ISG20: variants seen among roughly 807,000 people sequenced by gnomAD.
ISG20 encodes interferon stimulated exonuclease gene 20.
ISG20 carries 8 observed loss-of-function variants against 11.1 expected under a neutral mutation model. That is an observed-to-expected ratio of 0.72 (90% CI 0.42 to 1.30). The LOEUF is 1.30. Among genes scored for constraint, ISG20 ranks in the 50% most tolerant of loss-of-function variants. ISG20 has a pLI of 0.01. For missense variants in ISG20, 243 were observed against 250.2 expected, an observed-to-expected ratio of 0.97 and a Z score of 0.19; for synonymous variants, 110 against 101.7, an observed-to-expected ratio of 1.08 and a Z score of -0.49.
Position 88,655,666 on chromosome 15 carries a change from C to A in ISG20, c.*135C>A, listed in dbSNP as rs2058365486. 6 of 598,814 alleles carry A rather than the reference C, an allele frequency of 1.0e-5. No homozygotes were observed. In the Admixed American group the frequency reaches 1.5e-4, roughly 15 times the overall value. The allele number at this position is 598,814 out of a possible 1,614,324, so 37.1% of individuals were successfully genotyped here. On this transcript the variant is annotated 3_prime_UTR_variant, in exon 4 of 4. Transcript: ENST00000306072. Reference sequence around the variant, plus strand: ...CTCTACGCCATCACTGGGTCCTCTTCTTATTCTTCTCTCCAAGCTGGGTTA... The same window carrying A: ...CTCTACGCCATCACTGGGTCCTCTTATTATTCTTCTCTCCAAGCTGGGTTA...
At chr15:88,636,055 G>C (rs892432429), upstream of ISG20, 2 of 152,274 alleles carry the variant, frequency 1.3e-5, no homozygotes. Flanking sequence ...TGTCCCTTGT[G>C]GGGAGAGGGG....
chr15:88,641,672 C>CTCCAGCTCTTG (rs2058083181), intron 2 of ISG20, among the ~76,000 whole-genome samples: 1 of 152,112 alleles, frequency 6.6e-6, no homozygotes, highest in South Asian at 2.1e-4. Context: ...TGCTCTGTCG[C>CTCCAGCTCTTG]CCAGGCTGGA....
chr15:88,643,683 C>A lies in ISG20; in HGVS notation c.228+4089C>A, dbSNP rs764979398. On this transcript the variant is annotated intron_variant, in intron 2 of 3. Transcript: ENST00000306072. This position sits in a 1 kb window ranked among gnomAD's most constrained non-coding sequence, Gnocchi z 4.4. The stretch of plus-strand genomic sequence containing the variant: ...CGTGCCACTGCCACTCCAGCCTGGG[C>A]GACAGAGCAAGACCCCATCTCAAAA... Among the ~76,000 whole-genome samples the A allele has an allele frequency of 6.6e-6, 1 of 152,244 alleles. No homozygotes were observed. The highest frequency in any genetic ancestry group is 2.1e-4 in the South Asian group (1 of 4,820).
chr15:88,638,530 G>A (rs964027546), upstream of ISG20, among the ~76,000 whole-genome samples: 1 of 152,222 alleles, frequency 6.6e-6, no homozygotes, highest in Non-Finnish European at 1.5e-5. Flanking sequence ...TGGGTTGGAA[G>A]TGGGGGCTAG....
Position 88,650,183 on chromosome 15 carries a change from A to G in ISG20, c.229-1927A>G. On this transcript the variant is annotated intron_variant, in intron 2 of 3. Coordinates refer to ENST00000306072, the MANE Select transcript of ISG20 (RefSeq NM_002201.6). This position sits in a 1 kb window ranked among gnomAD's most constrained non-coding sequence, Gnocchi z 4.0. ...GAGCTGTCCAAAGTGGGCCTGGACTAGCCACGAGCCGCCCCTTTCCCTAAT... is the reference window on the plus strand; with the variant it reads ...GAGCTGTCCAAAGTGGGCCTGGACTGGCCACGAGCCGCCCCTTTCCCTAAT... 2 of 1,465,290 alleles carry G rather than the reference A, an allele frequency of 1.4e-6. No individual in the cohort carries two copies. Among genetic ancestry groups the G allele is most frequent in the South Asian group, 2.4e-5 (2 of 82,562 alleles). 90.8% of individuals were successfully genotyped at this position (1,465,290 alleles called of 1,614,324 possible). A position where few individuals can be genotyped will look rare whatever the true frequency, so the allele number is the denominator to read the frequency against.
At chr15:88,644,256 G>A (rs2058130373) in intron 2 of ISG20, among the ~76,000 whole-genome samples, 1 of 152,038 alleles carries the variant, frequency 6.6e-6, no homozygotes, top group Non-Finnish European at 1.5e-5. Context: ...GTCAGAGGCT[G>A]GGCATGGTGG....
chr15:88,643,898 C>G lies in ISG20; in HGVS notation c.228+4304C>G, dbSNP rs550269876. Among the ~76,000 whole-genome samples, 2 of 152,230 alleles carry G rather than the reference C, an allele frequency of 1.3e-5. No individual in the cohort carries two copies. Among genetic ancestry groups the G allele is most frequent in the East Asian group, 3.9e-4 (2 of 5,176 alleles). On this transcript the variant is annotated intron_variant, in intron 2 of 3. Coordinates refer to ENST00000306072, the MANE Select transcript of ISG20 (RefSeq NM_002201.6). The surrounding 1 kb of genome is among the most constrained non-coding windows in gnomAD (Gnocchi z 4.4). Reference sequence around the variant, plus strand: ...GGTTGAGCATCCCAAATTTGAAAATCTGAAATTTGAAATGTTCCAATGAGC... The same window carrying G: ...GGTTGAGCATCCCAAATTTGAAAATGTGAAATTTGAAATGTTCCAATGAGC...
At chr15:88,644,555 C>A (rs11856565) in intron 2 of ISG20, among the ~76,000 whole-genome samples, 80,658 of 118,932 alleles carry the variant, frequency 0.68, 23,675 homozygotes, top group Non-Finnish European at 0.71. Context: ...AAAGAAAAGA[C>A]AAAAAAAAAA....
At position 88,655,476 on chromosome 15, in the gene ISG20, T is replaced by G; in HGVS notation, c.491T>G (p.Ile164Ser). 6.2e-7 allele frequency: 1 copy of G among 1,613,892 alleles called. No individual in the cohort carries two copies. Among genetic ancestry groups the G allele is most frequent in the Middle Eastern group, 1.7e-4 (1 of 6,056 alleles). Residue 164 changes from isoleucine (I) to serine (S), a missense_variant, in exon 4 of 4, where the codon ATC becomes AGC. By Grantham distance (142) the Ile-to-Ser change is moderately radical. Coordinates refer to ENST00000306072, the MANE Select transcript of ISG20 (RefSeq NM_002201.6). ...AGGGCAACGATGGAGCTCTATCAAA[T>G]CTCCCAGAGAATCCGAGCCCGCCGA... ...DARATMELYQ[I>S]SQRIRARRGL...
chr15:88,641,281 C>T (rs1239873396), intron 2 of ISG20, among the ~76,000 whole-genome samples: 5 of 152,128 alleles, frequency 3.3e-5, no homozygotes, highest in Admixed American at 2.0e-4. Context: ...CATGAGCCAC[C>T]GCATCTGGCC....
Position 88,650,536 on chromosome 15 carries a change from C to A in ISG20, c.229-1574C>A. On this transcript the variant is annotated intron_variant, in intron 2 of 3. Coordinates refer to ENST00000306072, the MANE Select transcript of ISG20 (RefSeq NM_002201.6). This position sits in a 1 kb window ranked among gnomAD's most constrained non-coding sequence, Gnocchi z 4.0. Reference sequence around the variant, plus strand: ...GCTTGGCAAATCACACCAAAACTTACCGGTTCAAACAATGTCAATACTTAT... The same window carrying A: ...GCTTGGCAAATCACACCAAAACTTAACGGTTCAAACAATGTCAATACTTAT... 1 of 1,214,978 alleles carries A rather than the reference C, an allele frequency of 8.2e-7. No homozygotes were observed. The highest frequency in any genetic ancestry group is 1.1e-6 in the Non-Finnish European group (1 of 914,310). The allele number at this position is 1,214,978 out of a possible 1,614,324, so 75.3% of individuals were successfully genotyped here.
rs1333423498 is a variant in ISG20, at chr15:88,652,132, AGCTGGTGGTGGGTCAT to A, written c.253_268del (p.Leu85ThrfsTer2). The A allele has an allele frequency of 1.2e-6, 2 of 1,613,864 alleles. No individual in the cohort carries two copies. Among genetic ancestry groups the A allele is most frequent in the Non-Finnish European group, 1.7e-6 (2 of 1,179,960 alleles). ...CAGATCCTGCAGCTCCTGAAAGGCA[AGCTGGTGGTGGGTCAT>A]GACCTGAAGCACGACTTCCAGGCAC... On this transcript the variant is annotated frameshift_variant, in exon 3 of 4. Coordinates refer to ENST00000306072, the MANE Select transcript of ISG20 (RefSeq NM_002201.6). LOFTEE classifies it high-confidence loss of function.
In ISG20 at chr15:88,639,118, A is replaced by G; in HGVS notation, c.-25+42A>G. ...GAGCAGCAGCTGGGGAGGCAGCGGG[A>G]GGGGCCTTCCCGGTCCCCAGGCTGC... is the stretch of plus-strand genomic sequence containing the variant. On this transcript the variant is annotated intron_variant, in intron 1 of 3. Transcript: ENST00000306072. This position sits in a 1 kb window ranked among gnomAD's most constrained non-coding sequence, Gnocchi z 4.2. 1.8e-6 allele frequency: 1 copy of G among 559,038 alleles called. No homozygotes were observed. The highest frequency in any genetic ancestry group is 3.2e-6 in the Non-Finnish European group (1 of 314,824). The allele number at this position is 559,038 out of a possible 1,614,324, so 34.6% of individuals were successfully genotyped here.
rs2058247746 is a variant in ISG20, at chr15:88,650,071, G to C, written c.229-2039G>C. On this transcript the variant is annotated intron_variant, in intron 2 of 3. Coordinates refer to ENST00000306072, the MANE Select transcript of ISG20 (RefSeq NM_002201.6). This position sits in a 1 kb window ranked among gnomAD's most constrained non-coding sequence, Gnocchi z 4.0. ...TCTAGAAGGAGAAGCAGGCTACGGG[G>C]AAGGTGTTAGGCACCAGAAGGCTCT... 1 of 619,084 alleles carries C rather than the reference G, an allele frequency of 1.6e-6. No homozygotes were observed. Among genetic ancestry groups the C allele is most frequent in the South Asian group, 1.9e-5 (1 of 53,310 alleles). 38.3% of individuals were successfully genotyped at this position (619,084 alleles called of 1,614,324 possible). A position where few individuals can be genotyped will look rare whatever the true frequency, so the allele number is the denominator to read the frequency against.
rs2058048923 is a variant in ISG20 at position 88,639,685 on chromosome 15, GACCCC to G, written c.228+94_228+98del. 1.0e-6 allele frequency: 1 copy of G among 969,088 alleles called. No homozygotes were observed. Among genetic ancestry groups the G allele is most frequent in the Admixed American group, 2.2e-5 (1 of 44,634 alleles). 60.0% of individuals were successfully genotyped at this position (969,088 alleles called of 1,614,324 possible). On this transcript the variant is annotated intron_variant, in intron 2 of 3. Coordinates refer to ENST00000306072, the MANE Select transcript of ISG20 (RefSeq NM_002201.6). This position sits in a 1 kb window ranked among gnomAD's most constrained non-coding sequence, Gnocchi z 4.2. ...TCCCTGGTGCCCATCTGTGACCTGT[GACCCC>G]ACTTGTAAGATTTCCCACACTGCTG...
At position 88,639,548 on chromosome 15, in the gene ISG20, C is replaced by A. The variant is rs371941091; in HGVS notation, c.182C>A (p.Pro61His). The change falls in exon 2 of 4, where the codon CCT (proline) becomes CAT (histidine). Residue 61 changes from proline (P) to histidine (H), a missense_variant. Transcript: ENST00000306072. This position sits in a 1 kb window ranked among gnomAD's most constrained non-coding sequence, Gnocchi z 4.2. ...AGAACCCGGGTCAGCGGGGTCACCCCTCAGCACATGGTGGGGGCCACACCA... is the reference window on the plus strand; with the variant it reads ...AGAACCCGGGTCAGCGGGGTCACCCATCAGCACATGGTGGGGGCCACACCA... ...DYRTRVSGVT[P>H]QHMVGATPFA... 32 of 1,614,094 alleles carry A rather than the reference C, an allele frequency of 2.0e-5. No homozygotes were observed. Among genetic ancestry groups the A allele is most frequent in the Non-Finnish European group, 2.5e-5 (30 of 1,180,048 alleles).
Position 88,643,065 on chromosome 15 carries a change from A to C in ISG20, c.228+3471A>C, listed in dbSNP as rs1207106303. Among the ~76,000 whole-genome samples, 1 of 151,938 alleles carries C rather than the reference A, an allele frequency of 6.6e-6. No individual in the cohort carries two copies. The highest frequency in any genetic ancestry group is 2.0e-4 in the East Asian group (1 of 5,100). On this transcript the variant is annotated intron_variant, in intron 2 of 3. Coordinates refer to ENST00000306072, the MANE Select transcript of ISG20 (RefSeq NM_002201.6). This position sits in a 1 kb window ranked among gnomAD's most constrained non-coding sequence, Gnocchi z 4.4. ...ATGGTGAGATCTCCTCTACAAAAAA[A>C]ATAAATAAATAAAATAAAAATTAGC...
Position 88,639,618 on chromosome 15 carries a change from G to C in ISG20, c.228+24G>C, listed in dbSNP as rs1407094319. The C allele has an allele frequency of 6.3e-7, 1 of 1,593,962 alleles. No individual in the cohort carries two copies. Among genetic ancestry groups the C allele is most frequent in the Non-Finnish European group, 8.6e-7 (1 of 1,162,348 alleles). ...AGGTGAGTGAAGGCCCGGCCAGCAG[G>C]GGCTTTGGAAATAACCCCTCTCCCA... On this transcript the variant is annotated intron_variant, in intron 2 of 3. Coordinates refer to ENST00000306072, the MANE Select transcript of ISG20 (RefSeq NM_002201.6). This position sits in a 1 kb window ranked among gnomAD's most constrained non-coding sequence, Gnocchi z 4.2.
chr15:88,650,593 C>A lies in ISG20; in HGVS notation c.229-1517C>A. 1.6e-6 allele frequency: 1 copy of A among 623,946 alleles called. No individual in the cohort carries two copies. Among genetic ancestry groups the A allele is most frequent in the Non-Finnish European group, 2.4e-6 (1 of 414,130 alleles). The allele number at this position is 623,946 out of a possible 1,614,324, so 38.7% of individuals were successfully genotyped here. A position where few individuals can be genotyped will look rare whatever the true frequency, so the allele number is the denominator to read the frequency against. On this transcript the variant is annotated intron_variant, in intron 2 of 3. Coordinates refer to ENST00000306072, the MANE Select transcript of ISG20 (RefSeq NM_002201.6). This position sits in a 1 kb window ranked among gnomAD's most constrained non-coding sequence, Gnocchi z 4.0. ...CGGCCACCTGCAGTTTGGGCAGGTG[C>A]TCTGCAGCAGGACAGGCCGTCAGTT...
Sources: gnomAD v4.1 joint callset for allele counts (sites outside exome capture counted in the v4.1 genomes callset) on GRCh38, gnomAD v4.1.1 for gene constraint, Gnocchi (gnomAD v3.1) non-coding constraint, MANE v1.5 for transcripts, NCBI Gene and HGNC (gene_info 2026-07-23, HGNC 2026-07-21) for gene names.